The following PDGFRL variants were observed in gnomAD, a reference collection of about 807,000 sequenced individuals.
PDGFRL encodes the protein platelet-derived growth factor receptor-like protein.
PDGFRL carries 46 observed loss-of-function variants against 37.2 expected under a neutral mutation model. The observed-to-expected ratio is 1.24, with a 90% CI of 0.98 to 1.58. The LOEUF is 1.58. PDGFRL is among the 40% of genes most tolerant of loss of function. PDGFRL has a pLI of 0.00. For synonymous variants in PDGFRL, 251 were observed against 184.3 expected, an observed-to-expected ratio of 1.36 and a Z score of -2.93; for missense variants, 692 against 467.6, an observed-to-expected ratio of 1.48 and a Z score of -4.43.
At chr8:17,577,191 C>A, upstream of PDGFRL, 3 of 1,575,544 alleles carry the variant, frequency 1.9e-6, no homozygotes, top group Non-Finnish European at 1.7e-6. Context: ...CCGCCGCCTC[C>A]CCTGCGTCCC....
intron 2 of PDGFRL, among the ~76,000 whole-genome samples, chr8:17,606,233 A>G (rs1364021820): frequency 6.6e-6 from 1 of 152,110 alleles, no homozygotes; most frequent in African/African-American, 2.4e-5. Context: ...CGTACAATTT[A>G]CCATATTAAC....
chr8:17,634,216 A>G lies in PDGFRL; in HGVS notation c.939+3A>G. The G allele has an allele frequency of 6.2e-7, 1 of 1,608,628 alleles. No homozygotes were observed. The highest frequency in any genetic ancestry group is 8.5e-7 in the Non-Finnish European group (1 of 1,176,604). On this transcript the variant is annotated splice_donor_region_variant and intron_variant, in intron 5 of 5. Coordinates refer to ENST00000251630, the MANE Select transcript of PDGFRL (RefSeq NM_001372073.1). ...CCTGGATCTTCCCAGGGCAGAAGGTAAGTGTTGTACCTGCATCTCAGCCCC... is the reference window on the plus strand; with the variant it reads ...CCTGGATCTTCCCAGGGCAGAAGGTGAGTGTTGTACCTGCATCTCAGCCCC...
At chr8:17,626,064 C>G (rs559336700) in intron 3 of PDGFRL, among the ~76,000 whole-genome samples, 1 of 152,220 alleles carries the variant, frequency 6.6e-6, no homozygotes, top group Admixed American at 6.5e-5. Flanking sequence ...CGACTAATGG[C>G]TCTGCTTATC....
chr8:17,607,524 G>T (rs1486283433), intron 2 of PDGFRL, among the ~76,000 whole-genome samples: 1 of 152,156 alleles, frequency 6.6e-6, no homozygotes, highest in African/African-American at 2.4e-5. Context: ...GTAAGAAAAT[G>T]ACAATACAGT....
At position 17,596,294 on chromosome 8, in the gene PDGFRL, C is replaced by T. The variant is rs182549745; in HGVS notation, c.353+6529C>T. The stretch of plus-strand genomic sequence containing the variant: ...CTGTAAAATGGCCCACTGGCCAGAT[C>T]GGCTGCCAGGCTGCTCACAGGCACA... On this transcript the variant is annotated intron_variant, in intron 2 of 5. Transcript: ENST00000251630. The T allele has an allele frequency of 1.2e-3, 1,385 of 1,140,922 alleles. 9 individuals are homozygous for T. In the African/African-American group the frequency reaches 0.013, roughly 11 times the overall value. The allele number at this position is 1,140,922 out of a possible 1,614,324, so 70.7% of individuals were successfully genotyped here.
intron 2 of PDGFRL, among the ~76,000 whole-genome samples, chr8:17,618,145 A>G (rs976931341): frequency 5.3e-5 from 8 of 151,896 alleles, no homozygotes; most frequent in Non-Finnish European, 1.2e-4. Flanking sequence ...TGCAGCCTCG[A>G]CCTCCTGGAC....
intron 2 of PDGFRL, among the ~76,000 whole-genome samples, chr8:17,613,600 A>G (rs1435925391): frequency 1.3e-5 from 2 of 152,190 alleles, no homozygotes; most frequent in African/African-American, 4.8e-5. Context: ...AGAGAAGCCC[A>G]GGCGCAGTGG....
chr8:17,625,978 G>C (rs1158489388), intron 3 of PDGFRL, among the ~76,000 whole-genome samples: 1 of 152,182 alleles, frequency 6.6e-6, no homozygotes, highest in Non-Finnish European at 1.5e-5. Flanking sequence ...CTGGGCAACA[G>C]CGTGAGACCC....
rs368826915 is a variant in PDGFRL at position 17,643,033 on chromosome 8, C to A, written c.*232C>A. 3 of 437,394 alleles carry A rather than the reference C, an allele frequency of 6.9e-6. No individual in the cohort carries two copies. The East Asian group carries it at 1.1e-4, about 16-fold the overall frequency. The allele number at this position is 437,394 out of a possible 1,614,324, so 27.1% of individuals were successfully genotyped here. On this transcript the variant is annotated 3_prime_UTR_variant, in exon 6 of 6. Transcript: ENST00000251630. ...ATGATTTTGATTGCTTACCTACATA[C>A]GTGTTCCTAGTTTTTATACATGTGT...
At chr8:17,593,561 A>C (rs2150815752) in intron 2 of PDGFRL, among the ~76,000 whole-genome samples, 1 of 149,752 alleles carries the variant, frequency 6.7e-6, no homozygotes, top group South Asian at 2.1e-4. Context: ...TCATACCACT[A>C]TATTCCAACC....
chr8:17,596,354 G>A (rs546093483), intron 2 of PDGFRL: 24 of 1,239,062 alleles, frequency 1.9e-5, no homozygotes, highest in South Asian at 7.7e-5. Flanking sequence ...AGAAGCCAAC[G>A]CGCCCGCAGG....
At chr8:17,610,581 T>C (rs1364161717) in intron 2 of PDGFRL, among the ~76,000 whole-genome samples, 1 of 152,136 alleles carries the variant, frequency 6.6e-6, no homozygotes, top group African/African-American at 2.4e-5. Context: ...ATCTGAGTTA[T>C]ATGGTCACAA....
At chr8:17,577,417 G>A in intron 1 of PDGFRL, 110 bp downstream of exon 1, 1 of 910,172 alleles carries the variant, frequency 1.1e-6, no homozygotes, top group Non-Finnish European at 1.8e-6. Flanking sequence ...GGCCCTCGGT[G>A]GCTCAGCCCC....
chr8:17,594,136 C>T (rs1288064923), intron 2 of PDGFRL, among the ~76,000 whole-genome samples: 11 of 151,256 alleles, frequency 7.3e-5, no homozygotes, highest in African/African-American at 2.4e-4. Context: ...TTTTTTGTTA[C>T]TGACGTATTT....
At chr8:17,641,221 T>G (rs11995662) in intron 5 of PDGFRL, among the ~76,000 whole-genome samples, 1 of 151,946 alleles carries the variant, frequency 6.6e-6, no homozygotes, top group Non-Finnish European at 1.5e-5. Flanking sequence ...GCAAACAGGG[T>G]TTTCAGATTT....
chr8:17,614,631 T>C (rs1021713479), intron 2 of PDGFRL, among the ~76,000 whole-genome samples: 1 of 152,120 alleles, frequency 6.6e-6, no homozygotes, highest in Admixed American at 6.5e-5. Context: ...CAGGCTGGAG[T>C]GTAGTGGCAC....
intron 2 of PDGFRL, among the ~76,000 whole-genome samples, chr8:17,606,887 T>G (rs1269766123): frequency 9.4e-5 from 4 of 42,486 alleles, no homozygotes; most frequent in African/African-American, 2.5e-4. Flanking sequence ...TCGTTTTTTG[T>G]TTTTTTGTTT....
chr8:17,604,124 T>C (rs1174484268), intron 2 of PDGFRL, among the ~76,000 whole-genome samples: 1 of 152,194 alleles, frequency 6.6e-6, no homozygotes, highest in African/African-American at 2.4e-5. Flanking sequence ...GGAACACTTT[T>C]ACACTGTTGG....
At chr8:17,602,278 C>A (rs769821286) in intron 2 of PDGFRL, among the ~76,000 whole-genome samples, 1 of 152,110 alleles carries the variant, frequency 6.6e-6, no homozygotes, top group Non-Finnish European at 1.5e-5. Flanking sequence ...GATAAGGGAA[C>A]TGAGAGTCAT....
Sources: allele counts gnomAD v4.1 joint callset (sites outside exome capture counted in the v4.1 genomes callset), GRCh38; gene constraint gnomAD v4.1.1; transcripts MANE v1.5; gene names NCBI Gene and HGNC (gene_info 2026-07-23, HGNC 2026-07-21).